Variants in PHACTR3 observed in about 807,000 individuals in gnomAD.
PHACTR3 encodes the protein phosphatase and actin regulator 3, also known as protein phosphatase 1, regulatory subunit 123.
Under a neutral mutation model 66.8 loss-of-function variants are expected in PHACTR3, and 16 were observed. The ratio of observed to expected loss-of-function variants is 0.24; its 90% CI spans 0.16 to 0.36. The LOEUF is 0.36. Ranked by LOEUF, PHACTR3 falls within the 10% of genes least tolerant of loss-of-function variation. The pLI, the probability that PHACTR3 is intolerant of heterozygous loss-of-function variation, is 1.00. For missense variants in PHACTR3, 647 were observed against 719.9 expected (o/e 0.90, Z 1.16); for synonymous variants, 323 against 292.1 (o/e 1.11, Z -1.08).
chr20:59,751,206 AGGGTTAAGGAACCG>A (rs2039568290), intron 3 of PHACTR3, among the ~76,000 whole-genome samples: 1 of 141,642 alleles, frequency 7.1e-6, no homozygotes, highest in African/African-American at 3.1e-5. Flanking sequence ...AACCGGCTTC[AGGGTTAAGGAACCG>A]GCTTCAGCCA....
At chr20:59,585,062 G>A (rs925979923) in intron 1 of PHACTR3, among the ~76,000 whole-genome samples, 3 of 152,226 alleles carry the variant, frequency 2.0e-5, no homozygotes, top group Non-Finnish European at 4.4e-5. Context: ...GGCTGGGAAC[G>A]TGAGCGGGGC....
chr20:59,702,063 A>G lies in PHACTR3; in HGVS notation c.119-41044A>G, dbSNP rs140307428. Among the ~76,000 whole-genome samples the G allele has an allele frequency of 2.9e-4, 44 of 152,306 alleles. 1 individual carries two copies. The highest frequency in any genetic ancestry group is 1.1e-3 in the African/African-American group (44 of 41,564). On this transcript the variant is annotated intron_variant, in intron 1 of 12. Coordinates refer to ENST00000371015, the MANE Select transcript of PHACTR3 (RefSeq NM_080672.5). ...GCTCATTTCTTTTTATTGTTGCTTA[A>G]TAGTCCATTGTCGGGATGTACCCCA...
rs1223702125 is a variant in PHACTR3 at position 59,830,164 on chromosome 20, G to GAT, written c.1329-6341_1329-6340insAT. ...GACAGACAGGAGCATGTGCGTGTCT[G>GAT]GTGGAAGAGGGTGTGCGTGTCTGAT... is the stretch of plus-strand genomic sequence containing the variant. On this transcript the variant is annotated intron_variant, in intron 8 of 12. Transcript: ENST00000371015. The surrounding 1 kb of genome is among the most constrained non-coding windows in gnomAD (Gnocchi z 5.8). Among the ~76,000 whole-genome samples, 5 of 151,390 alleles carry GAT rather than the reference G, an allele frequency of 3.3e-5. No individual in the cohort carries two copies. The highest frequency in any genetic ancestry group is 9.8e-5 in the African/African-American group (4 of 40,746).
At position 59,716,849 on chromosome 20, in the gene PHACTR3, C is replaced by A. The variant is rs549255017; in HGVS notation, c.119-26258C>A. ...GCACACAGTAGGTGCTCAATAAATG[C>A]GCCTTGCTCTCCTTCCTTTCTAAAG... is the stretch of plus-strand genomic sequence containing the variant. On this transcript the variant is annotated intron_variant, in intron 1 of 12. Coordinates refer to ENST00000371015, the MANE Select transcript of PHACTR3 (RefSeq NM_080672.5). 3.0e-4 allele frequency among the ~76,000 whole-genome samples: 46 copies of A among 152,298 alleles called. No homozygotes were observed. In the Middle Eastern group the frequency reaches 0.01, roughly 34 times the overall value.
intron 8 of PHACTR3, among the ~76,000 whole-genome samples, chr20:59,811,462 C>A (rs1214254166): frequency 2.0e-5 from 3 of 152,166 alleles, no homozygotes; most frequent in African/African-American, 7.2e-5. Flanking sequence ...AGTTCGAGAC[C>A]AGCCTGGCCA....
intron 1 of PHACTR3, among the ~76,000 whole-genome samples, chr20:59,666,581 G>A (rs2035997142): frequency 6.6e-6 from 1 of 151,526 alleles, no homozygotes; most frequent in African/African-American, 2.4e-5. Context: ...AGAGAGACAG[G>A]GAGAGAGAGA....
intron 7 of PHACTR3, among the ~76,000 whole-genome samples, chr20:59,776,370 AG>A (rs1377260514): frequency 8.5e-5 from 13 of 152,182 alleles, no homozygotes; most frequent in Non-Finnish European, 1.9e-4. Flanking sequence ...ACTTGAACCC[AG>A]GCTGCCAGCG....
chr20:59,724,551 C>T (rs1268677969), intron 1 of PHACTR3, among the ~76,000 whole-genome samples: 1 of 152,264 alleles, frequency 6.6e-6, no homozygotes, highest in Non-Finnish European at 1.5e-5. Flanking sequence ...CACCCTCAGG[C>T]GTGCGTGGCC....
intron 1 of PHACTR3, among the ~76,000 whole-genome samples, chr20:59,687,191 CGAT>C (rs1004948334): frequency 1.6e-5 from 2 of 121,382 alleles, no homozygotes; most frequent in Non-Finnish European, 3.5e-5. Context: ...GTGGTGATGA[CGAT>C]GATGATCATG....
At chr20:59,637,936 A>G (rs1352590241) in intron 1 of PHACTR3, among the ~76,000 whole-genome samples, 1 of 152,194 alleles carries the variant, frequency 6.6e-6, no homozygotes, top group Non-Finnish European at 1.5e-5. Context: ...GAGAGCTCTA[A>G]GAGATTCCCA....
chr20:59,596,196 C>T (rs1313218373), intron 1 of PHACTR3, among the ~76,000 whole-genome samples: 1 of 152,156 alleles, frequency 6.6e-6, no homozygotes, highest in Non-Finnish European at 1.5e-5. Flanking sequence ...AGTGCAGTGG[C>T]ATGATCTTGG....
At chr20:59,743,084 C>T (rs201487449) in intron 1 of PHACTR3, 23 bp from the exon 2 acceptor site, 5 of 1,605,794 alleles carry the variant, frequency 3.1e-6, no homozygotes, top group Admixed American at 3.4e-5. Flanking sequence ...CACTTGAGGA[C>T]CCCCTTGGTT....
At chr20:59,841,901 CCTTGGTATAAGGGAT>C (rs1239101016) in intron 11 of PHACTR3, among the ~76,000 whole-genome samples, 1 of 151,994 alleles carries the variant, frequency 6.6e-6, no homozygotes, top group Middle Eastern at 3.2e-3. Flanking sequence ...AATTGAGAAA[CCTTGGTATAAGGGAT>C]AAATCAAAGG....
chr20:59,831,015 C>T (rs2042355148), intron 8 of PHACTR3, among the ~76,000 whole-genome samples: 1 of 152,128 alleles, frequency 6.6e-6, no homozygotes, highest in Non-Finnish European at 1.5e-5. Context: ...ACCTCTAGGC[C>T]CCTTCCTCCC....
chr20:59,669,732 C>A (rs557556994), intron 1 of PHACTR3, among the ~76,000 whole-genome samples: 1 of 152,182 alleles, frequency 6.6e-6, no homozygotes, highest in East Asian at 1.9e-4. Flanking sequence ...TGACATGTGG[C>A]GGTTATGACT....
At chr20:59,622,104 GTGTT>G (rs1409450559) in intron 1 of PHACTR3, among the ~76,000 whole-genome samples, 1 of 151,520 alleles carries the variant, frequency 6.6e-6, no homozygotes, top group Non-Finnish European at 1.5e-5. Context: ...GTACAAGTAT[GTGTT>G]TGTGTGTGCA....
chr20:59,691,247 A>G (rs933363488), intron 1 of PHACTR3, among the ~76,000 whole-genome samples: 1 of 152,138 alleles, frequency 6.6e-6, no homozygotes, highest in Non-Finnish European at 1.5e-5. Context: ...GCTTCCTCTG[A>G]TTGTCAACAG....
At chr20:59,766,296 G>A (rs189551435) in intron 4 of PHACTR3, among the ~76,000 whole-genome samples, 2 of 152,328 alleles carry the variant, frequency 1.3e-5, no homozygotes, top group Admixed American at 6.5e-5. Context: ...GGACTCCGTA[G>A]GCTCTTCCTC....
At chr20:59,725,395 C>T (rs2038525814) in intron 1 of PHACTR3, among the ~76,000 whole-genome samples, 2 of 151,950 alleles carry the variant, frequency 1.3e-5, no homozygotes, top group Admixed American at 1.3e-4. Context: ...GGCTGTGAGC[C>T]CAGATCGGTA....
Sources: gnomAD v4.1 joint callset for allele counts (sites outside exome capture counted in the v4.1 genomes callset) on GRCh38, gnomAD v4.1.1 for gene constraint, Gnocchi (gnomAD v3.1) non-coding constraint, MANE v1.5 for transcripts, NCBI Gene and HGNC (gene_info 2026-07-23, HGNC 2026-07-21) for gene names.